Variants in ACVR1 observed in about 807,000 individuals in gnomAD.
The protein encoded by ACVR1 is activin receptor type-1.
Under a neutral mutation model 57.1 loss-of-function variants are expected in ACVR1, and 38 were observed. The ratio of observed to expected loss-of-function variants is 0.67; its 90% CI spans 0.51 to 0.87. ACVR1 has a LOEUF of 0.87. Ranked by LOEUF, ACVR1 falls within the 40% of genes least tolerant of loss-of-function variation. The pLI is 0.00. For missense variants in ACVR1, 463 were observed against 638.2 expected (o/e 0.73, Z 2.96); for synonymous variants, 212 against 228.1 (o/e 0.93, Z 0.63).
chr2:157,804,257 C>G (rs1245155434), intron 2 of ACVR1, among the ~76,000 whole-genome samples: 3 of 152,158 alleles, frequency 2.0e-5, no homozygotes, highest in Non-Finnish European at 2.9e-5. Flanking sequence ...TTAGACTGAG[C>G]ACTTAGCGGA....
Position 157,736,985 on chromosome 2 carries a change from T to G in ACVR1, c.*546A>C. On this transcript the variant is annotated 3_prime_UTR_variant, in exon 11 of 11. Coordinates refer to ENST00000434821, the MANE Select transcript of ACVR1 (RefSeq NM_001111067.4). ...AGCAAAGTCTGACATTACATTTTGT[T>G]TTGCCAAATTGAATTCCTATTATCC... The G allele has an allele frequency of 6.9e-6, 2 of 291,468 alleles. No individual in the cohort carries two copies. The highest frequency in any genetic ancestry group is 6.4e-6 in the Non-Finnish European group (1 of 156,914). 18.1% of individuals were successfully genotyped at this position (291,468 alleles called of 1,614,324 possible).
rs184784622 is a variant in ACVR1, at chr2:157,836,964, C to G, written c.-182-18405G>C. On this transcript the variant is annotated intron_variant, in intron 1 of 10. Coordinates refer to ENST00000434821, the MANE Select transcript of ACVR1 (RefSeq NM_001111067.4). ...GTTCATATCATGTGCTTCATTACAT[C>G]TGCACCCATGAACAGGAAGAACAGA... Among the ~76,000 whole-genome samples, 16 of 152,342 alleles carry G rather than the reference C, an allele frequency of 1.1e-4. 1 individual carries two copies. The highest frequency in any genetic ancestry group is 7.8e-4 in the Admixed American group (12 of 15,310).
intron 1 of ACVR1, among the ~76,000 whole-genome samples, chr2:157,859,157 G>A (rs188233440): frequency 3.4e-4 from 52 of 152,208 alleles, no homozygotes; most frequent in Admixed American, 2.5e-3. Context: ...ATAGGAGGTC[G>A]GCACAAGATG....
chr2:157,814,318 A>G (rs562947419), intron 2 of ACVR1, among the ~76,000 whole-genome samples: 1 of 152,380 alleles, frequency 6.6e-6, no homozygotes, highest in Non-Finnish European at 1.5e-5. Flanking sequence ...ATAGACAACG[A>G]ACACAAGCAT....
intron 1 of ACVR1, among the ~76,000 whole-genome samples, chr2:157,855,323 T>TACAC (rs138199528): frequency 1.1e-4 from 12 of 108,556 alleles, no homozygotes; most frequent in South Asian, 1.0e-3. Context: ...TATATATATA[T>TACAC]ACACACACAC....
intron 1 of ACVR1, among the ~76,000 whole-genome samples, chr2:157,828,542 G>C (rs1688472846): frequency 6.6e-6 from 1 of 151,842 alleles, no homozygotes; most frequent in South Asian, 2.1e-4. Context: ...GCTTGCTTGA[G>C]CCTGGAAGGC....
intron 2 of ACVR1, among the ~76,000 whole-genome samples, chr2:157,814,894 G>C (rs1410556831): frequency 3.9e-5 from 6 of 152,148 alleles, no homozygotes; most frequent in Admixed American, 6.6e-5. Context: ...GACCATCCTG[G>C]CTAACACGGT....
chr2:157,826,912 G>A (rs914883349), intron 1 of ACVR1, among the ~76,000 whole-genome samples: 1 of 123,300 alleles, frequency 8.1e-6, no homozygotes, highest in Non-Finnish European at 2.0e-5. Context: ...GAAAAGAAAG[G>A]AAGGAAGGAA....
intron 1 of ACVR1, among the ~76,000 whole-genome samples, chr2:157,863,471 C>T (rs1238056899): frequency 6.1e-5 from 9 of 146,654 alleles, no homozygotes; most frequent in East Asian, 2.2e-4. Flanking sequence ...CCGAGGCCAG[C>T]GGATCACCTG....
At chr2:157,745,146 G>T (rs751615507) in intron 9 of ACVR1, among the ~76,000 whole-genome samples, 5 of 152,168 alleles carry the variant, frequency 3.3e-5, no homozygotes, top group African/African-American at 7.2e-5. Flanking sequence ...AAAAGTAAAT[G>T]GTTTATAGAT....
intron 9 of ACVR1, among the ~76,000 whole-genome samples, chr2:157,755,301 G>A (rs2105242694): frequency 6.6e-6 from 1 of 152,086 alleles, no homozygotes; most frequent in Admixed American, 6.5e-5. Flanking sequence ...CATGTGAACT[G>A]GTAAAGAGGA....
intron 1 of ACVR1, among the ~76,000 whole-genome samples, chr2:157,839,400 G>C (rs1688901293): frequency 6.6e-6 from 1 of 152,194 alleles, no homozygotes; most frequent in East Asian, 1.9e-4. Context: ...TACAGCTTAT[G>C]GTGCTGGCTG....
intron 9 of ACVR1, among the ~76,000 whole-genome samples, chr2:157,749,092 A>G (rs531416176): frequency 1.3e-5 from 2 of 152,374 alleles, no homozygotes; most frequent in Admixed American, 6.5e-5. Flanking sequence ...CTGTGAAATA[A>G]GATTTTCAGT....
At chr2:157,757,307 A>C (rs1177245942) in intron 9 of ACVR1, among the ~76,000 whole-genome samples, 1 of 151,740 alleles carries the variant, frequency 6.6e-6, no homozygotes, top group African/African-American at 2.4e-5. Context: ...AAATGGGCAA[A>C]GGCATAGAAA....
At chr2:157,802,746 T>C (rs1351780863) in intron 2 of ACVR1, among the ~76,000 whole-genome samples, 1 of 152,180 alleles carries the variant, frequency 6.6e-6, no homozygotes, top group Admixed American at 6.5e-5. Flanking sequence ...CTCATACAAA[T>C]CATCCTAATT....
At chr2:157,775,817 G>GA (rs1686260100) in intron 5 of ACVR1, among the ~76,000 whole-genome samples, 1 of 152,144 alleles carries the variant, frequency 6.6e-6, no homozygotes, top group African/African-American at 2.4e-5. Context: ...CCTAAGGAAA[G>GA]AAAAATAAAA....
intron 3 of ACVR1, among the ~76,000 whole-genome samples, chr2:157,795,533 T>TA (rs928613835): frequency 7.9e-5 from 12 of 151,926 alleles, no homozygotes; most frequent in African/African-American, 2.9e-4. Flanking sequence ...TCCATTTTTT[T>TA]AAAAAAACAG....
intron 1 of ACVR1, among the ~76,000 whole-genome samples, chr2:157,828,578 C>T (rs945478711): frequency 5.3e-5 from 8 of 151,940 alleles, no homozygotes; most frequent in African/African-American, 1.7e-4. Flanking sequence ...CATGTCACTG[C>T]GCTCCAGCCT....
Position 157,849,466 on chromosome 2 carries a change from A to G in ACVR1, c.-183+26330T>C, listed in dbSNP as rs575702448. ...TAAAAAATGTGAAGTATAGTAGTAT[A>G]TATCAAAACTGTAGCTTACAGAAAA... On this transcript the variant is annotated intron_variant, in intron 1 of 10. Transcript: ENST00000434821. Among the ~76,000 whole-genome samples, 4 of 152,370 alleles carry G rather than the reference A, an allele frequency of 2.6e-5. No homozygotes were observed. In the East Asian group the frequency reaches 5.8e-4, roughly 22 times the overall value.
Sources: allele counts gnomAD v4.1 joint callset (sites outside exome capture counted in the v4.1 genomes callset), GRCh38; gene constraint gnomAD v4.1.1; transcripts MANE v1.5; gene names NCBI Gene and HGNC (gene_info 2026-07-23, HGNC 2026-07-21).